WWOX: variants seen among roughly 807,000 people sequenced by gnomAD.
WWOX encodes the protein WW domain containing oxidoreductase, also known as WW domain-containing oxidoreductase.
In WWOX, 69 loss-of-function variants were observed where a neutral mutation model predicts 46.2. That is an observed-to-expected ratio of 1.49 (90% CI 1.23 to 1.82). The LOEUF (loss-of-function observed/expected upper bound fraction) is 1.82, where lower values mean the gene tolerates loss of function less well. Among genes scored for constraint, WWOX ranks in the 40% most tolerant of loss-of-function variants. The pLI is 0.00. For missense variants in WWOX, 919 were observed against 542.6 expected (o/e 1.69, Z -6.89); for synonymous variants, 359 against 202.6 (o/e 1.77, Z -6.56).
chr16:78,848,149 C>T (rs562962715), intron 8 of WWOX, among the ~76,000 whole-genome samples: 1 of 152,190 alleles, frequency 6.6e-6, no homozygotes, highest in Non-Finnish European at 1.5e-5. Flanking sequence ...AAAATGGTCA[C>T]TGTTGTTACT....
chr16:78,958,363 G>A (rs1381658134), intron 8 of WWOX, among the ~76,000 whole-genome samples: 1 of 152,040 alleles, frequency 6.6e-6, no homozygotes, highest in Non-Finnish European at 1.5e-5. Context: ...CAAAAAAGAT[G>A]GTACAAACCC....
At chr16:78,648,160 A>G (rs1035922494) in intron 8 of WWOX, among the ~76,000 whole-genome samples, 28 of 152,202 alleles carry the variant, frequency 1.8e-4, no homozygotes, top group Admixed American at 1.4e-3. Flanking sequence ...ACCACCTCCC[A>G]GGAGTTGAAT....
chr16:78,194,309 C>T (rs8049401), intron 5 of WWOX, among the ~76,000 whole-genome samples: 2,012 of 151,466 alleles, frequency 0.013, 45 homozygotes, highest in African/African-American at 0.047. Context: ...TAAGATTGGC[C>T]GGGCGTGGTG....
At chr16:79,122,085 G>A (rs752555280) in intron 8 of WWOX, among the ~76,000 whole-genome samples, 122 of 152,292 alleles carry the variant, frequency 8.0e-4, no homozygotes, top group Non-Finnish European at 1.1e-3. Flanking sequence ...GAGGGTGTGT[G>A]CTCAGCGGGC....
At chr16:78,897,727 A>T (rs1391994454) in intron 8 of WWOX, 3 of 152,152 alleles carry the variant, frequency 2.0e-5, no homozygotes, top group Non-Finnish European at 2.9e-5. Context: ...TTAGTGTTTA[A>T]CTTGTAAGAA....
intron 8 of WWOX, chr16:79,206,426 A>G (rs1042781686): frequency 3.3e-5 from 5 of 152,186 alleles, no homozygotes; most frequent in African/African-American, 1.2e-4. Flanking sequence ...GTTGCTTTTG[A>G]TCTCTGATAT....
intron 6 of WWOX, among the ~76,000 whole-genome samples, chr16:78,399,603 C>G (rs1567549402): frequency 6.6e-6 from 1 of 152,144 alleles, no homozygotes; most frequent in African/African-American, 2.4e-5. Flanking sequence ...ATCAATGCAG[C>G]AAATCCCCGG....
intron 8 of WWOX, among the ~76,000 whole-genome samples, chr16:78,770,685 C>G (rs1032979496): frequency 6.6e-6 from 1 of 151,284 alleles, no homozygotes; most frequent in African/African-American, 2.4e-5. Context: ...AAGTGAACCG[C>G]CCACAGGGAG....
At chr16:78,730,332 C>T (rs1407240134) in intron 8 of WWOX, among the ~76,000 whole-genome samples, 1 of 152,054 alleles carries the variant, frequency 6.6e-6, no homozygotes, top group Non-Finnish European at 1.5e-5. Flanking sequence ...TCCTTTTCTT[C>T]CCATTTCCTT....
intron 8 of WWOX, 115 bp downstream of exon 8, chr16:78,432,867 G>C: frequency 6.6e-7 from 1 of 1,510,692 alleles, no homozygotes; most frequent in South Asian, 1.1e-5. Context: ...TAATAACATT[G>C]TCCAGCCCAT....
rs890679398 is a variant in WWOX, at chr16:78,797,156, A to G, written c.1056+364404A>G. 6.6e-5 allele frequency among the ~76,000 whole-genome samples: 10 copies of G among 152,068 alleles called. No homozygotes were observed. In the East Asian group the frequency reaches 1.7e-3, roughly 27 times the overall value. On this transcript the variant is annotated intron_variant, in intron 8 of 8. Coordinates refer to ENST00000566780, the MANE Select transcript of WWOX (RefSeq NM_016373.4). ...TTTCTTTATCAATAGAAGTGGGGAAATCGTACCTGCCCTGTCTGCCTCATT... is the reference window on the plus strand; with the variant it reads ...TTTCTTTATCAATAGAAGTGGGGAAGTCGTACCTGCCCTGTCTGCCTCATT...
chr16:78,159,811 C>T (rs755645636), intron 4 of WWOX, among the ~76,000 whole-genome samples: 18 of 145,636 alleles, frequency 1.2e-4, no homozygotes, highest in Admixed American at 1.4e-4. Context: ...TGATTGTTTT[C>T]TTTAACGTGC....
At chr16:78,385,762 T>G (rs2082047643) in intron 5 of WWOX, among the ~76,000 whole-genome samples, 1 of 152,216 alleles carries the variant, frequency 6.6e-6, no homozygotes, top group South Asian at 2.1e-4. Flanking sequence ...CATCACAGTC[T>G]AGACTAGAAT....
intron 8 of WWOX, among the ~76,000 whole-genome samples, chr16:78,832,487 C>T (rs1309007144): frequency 1.3e-5 from 2 of 152,124 alleles, no homozygotes; most frequent in African/African-American, 2.4e-5. Context: ...GAAGGGAGGT[C>T]TATCAAAGAA....
intron 5 of WWOX, among the ~76,000 whole-genome samples, chr16:78,188,753 T>G (rs1030880416): frequency 7.2e-5 from 11 of 152,132 alleles, no homozygotes; most frequent in Admixed American, 7.2e-4. Context: ...GGTGTTAAGA[T>G]CCTTCATGGC....
intron 3 of WWOX, among the ~76,000 whole-genome samples, chr16:78,112,904 G>T (rs942472696): frequency 2.6e-5 from 4 of 151,860 alleles, no homozygotes; most frequent in African/African-American, 9.7e-5. Context: ...CTGAGGCTCA[G>T]TATGTTGCCC....
intron 8 of WWOX, chr16:79,016,682 C>CG (rs397738063): frequency 1.3e-5 from 2 of 151,914 alleles, no homozygotes; most frequent in East Asian, 1.9e-4. Context: ...ATCGGCTTCC[C>CG]AAAGTGCTGG....
chr16:78,728,001 C>A (rs927588965), intron 8 of WWOX, among the ~76,000 whole-genome samples: 1 of 149,148 alleles, frequency 6.7e-6, no homozygotes, highest in Non-Finnish European at 1.5e-5. Context: ...AAGTAAGAAA[C>A]CTATTACAAG....
At chr16:78,297,342 C>A (rs2079959732) in intron 5 of WWOX, among the ~76,000 whole-genome samples, 1 of 152,130 alleles carries the variant, frequency 6.6e-6, no homozygotes, top group African/African-American at 2.4e-5. Flanking sequence ...TTGGATTTTT[C>A]CATTTTCTAG....
Sources: allele counts gnomAD v4.1 joint callset (sites outside exome capture counted in the v4.1 genomes callset), GRCh38; gene constraint gnomAD v4.1.1; transcripts MANE v1.5; gene names NCBI Gene and HGNC (gene_info 2026-07-23, HGNC 2026-07-21).